NEBL: variants seen among roughly 807,000 people sequenced by gnomAD.
NEBL encodes the protein LIM and SH3 protein 2.
In NEBL, 122 loss-of-function variants were observed where a neutral mutation model predicts 140.2. The ratio of observed to expected loss-of-function variants is 0.87; its 90% CI spans 0.75 to 1.01. The LOEUF is 1.01. Among genes scored for constraint, NEBL ranks in the 50% least tolerant of loss-of-function variants. NEBL has a pLI of 0.00. For missense variants in NEBL, 1,365 were observed against 1,231.3 expected, an observed-to-expected ratio of 1.11 and a Z score of -1.62; for synonymous variants, 436 against 398.9, an observed-to-expected ratio of 1.09 and a Z score of -1.11.
At chr10:21,242,104 A>G (rs1430551217) in intron 3 of NEBL, among the ~76,000 whole-genome samples, 1 of 152,210 alleles carries the variant, frequency 6.6e-6, no homozygotes, top group Non-Finnish European at 1.5e-5. Context: ...TGGGAAGCTA[A>G]GATGGGAGAA....
At chr10:21,024,768 C>T (rs1409482242) in intron 2 of NEBL, among the ~76,000 whole-genome samples, 1 of 152,096 alleles carries the variant, frequency 6.6e-6, no homozygotes, top group Non-Finnish European at 1.5e-5. Context: ...CAACATTCTG[C>T]TCTGAAGTCA....
In NEBL at chr10:21,213,569, C is replaced by A. The variant is rs564717306; in HGVS notation, n.348+34352G>T. 2.6e-5 allele frequency among the ~76,000 whole-genome samples: 4 copies of A among 152,186 alleles called. No homozygotes were observed. In the East Asian group the frequency reaches 7.7e-4, roughly 29 times the overall value. On this transcript the variant is annotated intron_variant and non_coding_transcript_variant, in intron 3 of 8. Transcript: ENST00000675702. ...GACACTAACTTTGCTAATGAATAGC[C>A]AGGAAGTGTTAATGAGGCATTCATG...
chr10:20,943,187 G>C lies in NEBL; in HGVS notation c.357+18485C>G, dbSNP rs527495720. Among the ~76,000 whole-genome samples, 238 of 152,222 alleles carry C rather than the reference G, an allele frequency of 1.6e-3. 1 individual carries two copies. The highest frequency in any genetic ancestry group is 0.013 in the South Asian group (61 of 4,820). ...CACAATAGCAAAGACTTGGAACCAA[G>C]CCAAATGTCCAACAATGAAAGACTG... On this transcript the variant is annotated intron_variant, in intron 4 of 6. Transcript: ENST00000417816.
intron 1 of NEBL, among the ~76,000 whole-genome samples, chr10:21,267,502 A>G (rs1234645599): frequency 6.6e-6 from 1 of 152,202 alleles, no homozygotes; most frequent in Non-Finnish European, 1.5e-5. Context: ...GGAGACATGG[A>G]TCACAGTCAG....
intron 2 of NEBL, among the ~76,000 whole-genome samples, chr10:20,894,657 G>A (rs761492652): frequency 1.7e-4 from 25 of 151,414 alleles, no homozygotes; most frequent in Non-Finnish European, 3.4e-4. Context: ...GCTCACGCCT[G>A]TAATCCCAGC....
chr10:20,928,065 A>C (rs1379744016), intron 4 of NEBL, among the ~76,000 whole-genome samples: 1 of 152,228 alleles, frequency 6.6e-6, no homozygotes, highest in East Asian at 1.9e-4. Context: ...CGTTATTGAT[A>C]TAAAATTATT....
At chr10:21,232,380 G>A (rs1842278227) in intron 3 of NEBL, among the ~76,000 whole-genome samples, 2 of 152,088 alleles carry the variant, frequency 1.3e-5, no homozygotes, top group African/African-American at 4.8e-5. Context: ...TCGGGGGGTG[G>A]TTTCAGGATG....
chr10:20,845,994 C>T (rs1014962343), intron 11 of NEBL, among the ~76,000 whole-genome samples: 1 of 152,078 alleles, frequency 6.6e-6, no homozygotes, highest in Non-Finnish European at 1.5e-5. Flanking sequence ...CTGAACTCCT[C>T]CTTTAAGTGA....
chr10:20,913,464 G>A (rs752707619), intron 4 of NEBL, among the ~76,000 whole-genome samples: 3 of 152,078 alleles, frequency 2.0e-5, no homozygotes, highest in Non-Finnish European at 4.4e-5. Flanking sequence ...AGATCGTTAC[G>A]TGAATTAGGA....
chr10:21,088,277 C>T (rs1479975116), intron 2 of NEBL, among the ~76,000 whole-genome samples: 1 of 152,166 alleles, frequency 6.6e-6, no homozygotes, highest in East Asian at 1.9e-4. Flanking sequence ...GAGACAGGAG[C>T]ATCACTTGAG....
intron 5 of NEBL, among the ~76,000 whole-genome samples, chr10:20,872,506 T>C (rs1266586247): frequency 6.6e-6 from 1 of 152,090 alleles, no homozygotes; most frequent in Non-Finnish European, 1.5e-5. Context: ...CTCACACAGA[T>C]TCCTACACGT....
intron 26 of NEBL, among the ~76,000 whole-genome samples, chr10:20,792,413 T>G (rs992235228): frequency 6.6e-6 from 1 of 152,210 alleles, no homozygotes; most frequent in African/African-American, 2.4e-5. Flanking sequence ...AACCCCTATT[T>G]AGACAATCAG....
intron 2 of NEBL, among the ~76,000 whole-genome samples, chr10:21,164,110 G>T (rs892298301): frequency 6.6e-6 from 1 of 152,188 alleles, no homozygotes; most frequent in East Asian, 1.9e-4. Context: ...GAGCATGGAA[G>T]AAATCAATAA....
intron 1 of NEBL, among the ~76,000 whole-genome samples, chr10:21,275,009 G>A (rs1373997956): frequency 6.6e-6 from 1 of 152,116 alleles, no homozygotes; most frequent in African/African-American, 2.4e-5. Context: ...AAGTCCATGT[G>A]TAAGTGGACC....
In NEBL at chr10:21,259,309, A is replaced by G. The variant is rs192998919; in HGVS notation, n.183-7481T>C. ...CACAACATTGGCCAGGCTAGGAAAC[A>G]CACAGACTTCATCACTAGGCTGTGC... On this transcript the variant is annotated intron_variant and non_coding_transcript_variant, in intron 1 of 8. Transcript: ENST00000675702. 2.9e-3 allele frequency among the ~76,000 whole-genome samples: 434 copies of G among 152,262 alleles called. 1 individual carries two copies. The highest frequency in any genetic ancestry group is 9.1e-3 in the African/African-American group (380 of 41,544).
rs530145724 is a variant in NEBL at position 21,060,859 on chromosome 10, C to G, written c.165-40658G>C. Among the ~76,000 whole-genome samples, 5 of 152,224 alleles carry G rather than the reference C, an allele frequency of 3.3e-5. No individual in the cohort carries two copies. The South Asian group carries it at 1.0e-3, about 32-fold the overall frequency. ...ATCCTATTTGCTCAGTCAGCAGCAT[C>G]TGATTCAGTTTATCCATCCTTCCTG... On this transcript the variant is annotated intron_variant, in intron 2 of 6. Transcript: ENST00000417816.
chr10:21,150,987 A>C (rs74405548), intron 2 of NEBL, among the ~76,000 whole-genome samples: 3,114 of 152,294 alleles, frequency 0.02, 95 homozygotes, highest in East Asian at 0.12. Context: ...ATTAATGACC[A>C]CCACTCAGAA....
rs1841104533 is a variant in NEBL, at chr10:21,172,221, C to A, written c.164+162G>T. ...TTAGAAAGGTATAAAAAGCAGTGAT[C>A]GTCAACAAAGTACATGGCCCCAGAG... is the stretch of plus-strand genomic sequence containing the variant. On this transcript the variant is annotated intron_variant, in intron 2 of 6. Coordinates refer to the NEBL transcript ENST00000417816. 1.1e-5 allele frequency: 7 copies of A among 664,634 alleles called. No homozygotes were observed. In the Admixed American group the frequency reaches 1.4e-4, roughly 13 times the overall value. The allele number at this position is 664,634 out of a possible 1,614,324, so 41.2% of individuals were successfully genotyped here.
At chr10:20,880,616 G>A (rs1845927125) in intron 5 of NEBL, among the ~76,000 whole-genome samples, 178 bp downstream of exon 5, 8 of 152,174 alleles carry the variant, frequency 5.3e-5, no homozygotes, top group Admixed American at 5.2e-4. Context: ...AAAGGCATTC[G>A]GCAAGGTGTT....
Sources: gnomAD v4.1 joint callset for allele counts (sites outside exome capture counted in the v4.1 genomes callset) on GRCh38, gnomAD v4.1.1 for gene constraint, MANE v1.5 for transcripts, NCBI Gene and HGNC (gene_info 2026-07-23, HGNC 2026-07-21) for gene names.